The following WFDC11 variants were observed in gnomAD, a reference collection of about 807,000 sequenced individuals.
WFDC11 encodes WAP four-disulfide core domain 11, also known as protein WFDC11.
WFDC11 carries 9 observed loss-of-function variants against 9.9 expected under a neutral mutation model. The observed-to-expected ratio is 0.91, with a 90% CI of 0.55 to 1.58. The LOEUF (loss-of-function observed/expected upper bound fraction) is 1.58, where lower values mean the gene tolerates loss of function less well. Ranked by LOEUF, WFDC11 falls within the 40% of genes most tolerant of loss-of-function variation. The pLI is 0.00. For synonymous variants in WFDC11, 32 were observed against 33.3 expected, an observed-to-expected ratio of 0.96 and a Z score of 0.13; for missense variants, 106 against 101.7, an observed-to-expected ratio of 1.04 and a Z score of -0.18.
At chr20:45,668,255 A>T (rs1983226770) in intron 1 of WFDC11, among the ~76,000 whole-genome samples, 1 of 152,206 alleles carries the variant, frequency 6.6e-6, no homozygotes, top group African/African-American at 2.4e-5. Flanking sequence ...AGCTGAGCTG[A>T]CTGTGAGAGG....
chr20:45,664,021 G>A (rs1354781305), intron 2 of WFDC11, among the ~76,000 whole-genome samples: 1 of 152,052 alleles, frequency 6.6e-6, no homozygotes. Flanking sequence ...ATTGACAGTG[G>A]GGTGTTAAAG....
At chr20:45,660,552 C>T (rs1600940500) in intron 2 of WFDC11, among the ~76,000 whole-genome samples, 1 of 152,120 alleles carries the variant, frequency 6.6e-6, no homozygotes, top group African/African-American at 2.4e-5. Flanking sequence ...TCTCCCAATG[C>T]TATCCCTCCC....
chr20:45,668,537 A>G (rs1983232894), intron 1 of WFDC11, among the ~76,000 whole-genome samples: 2 of 152,148 alleles, frequency 1.3e-5, no homozygotes, highest in Admixed American at 1.3e-4. Context: ...CTCTTGTACT[A>G]ATAAAAGAGC....
chr20:45,652,031 C>A (rs1982819255), intron 2 of WFDC11, among the ~76,000 whole-genome samples: 1 of 152,212 alleles, frequency 6.6e-6, no homozygotes, highest in Non-Finnish European at 1.5e-5. Flanking sequence ...AAACAAAAGG[C>A]AGCAGAATCC....
chr20:45,657,146 A>C (rs1170399664), intron 2 of WFDC11, among the ~76,000 whole-genome samples: 1 of 152,108 alleles, frequency 6.6e-6, no homozygotes, highest in Non-Finnish European at 1.5e-5. Flanking sequence ...ATGTTTATTG[A>C]GGCACTATTC....
intron 2 of WFDC11, among the ~76,000 whole-genome samples, chr20:45,655,270 G>A (rs899810231): frequency 4.6e-5 from 7 of 152,254 alleles, no homozygotes; most frequent in South Asian, 2.1e-4. Flanking sequence ...ATGCAAGGCT[G>A]GTTCAACATA....
At chr20:45,661,295 TC>T (rs1295338352) in intron 2 of WFDC11, among the ~76,000 whole-genome samples, 1 of 152,204 alleles carries the variant, frequency 6.6e-6, no homozygotes, top group Admixed American at 6.6e-5. Flanking sequence ...TTGTTTGAGT[TC>T]TTTATAGATT....
At chr20:45,648,793 C>T in intron 4 of WFDC11, 54 bp from the exon 5 acceptor site, 1 of 1,560,750 alleles carries the variant, frequency 6.4e-7, no homozygotes, top group Admixed American at 1.7e-5. Context: ...GAGAAACAAG[C>T]ATTCATTCCC....
chr20:45,655,168 G>C (rs983723479), intron 2 of WFDC11, among the ~76,000 whole-genome samples: 6 of 152,050 alleles, frequency 3.9e-5, no homozygotes, highest in African/African-American at 7.2e-5. Context: ...ATGAACATTG[G>C]TGCAGAAATC....
intron 2 of WFDC11, among the ~76,000 whole-genome samples, chr20:45,654,468 A>C (rs1424954187): frequency 1.3e-5 from 2 of 152,224 alleles, no homozygotes; most frequent in Non-Finnish European, 2.9e-5. Flanking sequence ...AAATGCCCAC[A>C]AGAGAGAGCA....
At chr20:45,655,367 T>C (rs983648409) in intron 2 of WFDC11, among the ~76,000 whole-genome samples, 9 of 152,204 alleles carry the variant, frequency 5.9e-5, no homozygotes, top group Non-Finnish European at 1.2e-4. Context: ...AAAAGGCCTT[T>C]GACAAAATTC....
Position 45,655,299 on chromosome 20 carries a change from A to G in WFDC11, c.-51-4648T>C, listed in dbSNP as rs1982903559. On this transcript the variant is annotated intron_variant, in intron 2 of 4. Coordinates refer to ENST00000324384, the MANE Select transcript of WFDC11 (RefSeq NM_147197.2). ...CAACATATGCAAATCAATAAACATA[A>G]TCCAGCATATAAACATAACCAACGA... 4.6e-5 allele frequency among the ~76,000 whole-genome samples: 7 copies of G among 152,228 alleles called. 1 individual carries two copies. The South Asian group carries it at 1.4e-3, about 31-fold the overall frequency.
In WFDC11 at chr20:45,659,437, T is replaced by G. The variant is rs545423219; in HGVS notation, c.-52+7651A>C. 7.2e-5 allele frequency among the ~76,000 whole-genome samples: 11 copies of G among 152,390 alleles called. No homozygotes were observed. The East Asian group carries it at 2.1e-3, about 29-fold the overall frequency. On this transcript the variant is annotated intron_variant, in intron 2 of 4. Transcript: ENST00000324384. ...CGTGAGATGGTATCTCATTGTGGTT[T>G]TGATTTGCATTTCTCTAATGACCAG...
chr20:45,661,833 G>A (rs2145621907), intron 2 of WFDC11, among the ~76,000 whole-genome samples: 1 of 152,226 alleles, frequency 6.6e-6, no homozygotes, highest in South Asian at 2.1e-4. Context: ...TTGTAGTATA[G>A]TTTGAAGTCA....
At chr20:45,656,096 A>G (rs904070332) in intron 2 of WFDC11, among the ~76,000 whole-genome samples, 9 of 152,070 alleles carry the variant, frequency 5.9e-5, no homozygotes, top group Non-Finnish European at 1.2e-4. Context: ...TAAAGTTCAT[A>G]TGGAACCAAA....
chr20:45,651,534 G>A (rs1272204969), intron 2 of WFDC11, among the ~76,000 whole-genome samples: 2 of 152,222 alleles, frequency 1.3e-5, no homozygotes, highest in Non-Finnish European at 2.9e-5. Context: ...CGACACAGAA[G>A]ACAGGTGATT....
Position 45,653,991 on chromosome 20 carries a change from C to A in WFDC11, c.-51-3340G>T, listed in dbSNP as rs543068521. On this transcript the variant is annotated intron_variant, in intron 2 of 4. Coordinates refer to ENST00000324384, the MANE Select transcript of WFDC11 (RefSeq NM_147197.2). ...CCACACAATAATAATGGGAGACTTT[C>A]ACACCCCACTGTCAACATTAGACAG... Among the ~76,000 whole-genome samples, 14 of 152,182 alleles carry A rather than the reference C, an allele frequency of 9.2e-5. No homozygotes were observed. The South Asian group carries it at 1.2e-3, about 14-fold the overall frequency.
chr20:45,657,218 T>G (rs1340183463), intron 2 of WFDC11, among the ~76,000 whole-genome samples: 2 of 151,848 alleles, frequency 1.3e-5, no homozygotes, highest in African/African-American at 2.4e-5. Flanking sequence ...ATTAAGAAAA[T>G]GTGGCACATA....
At chr20:45,654,891 G>A (rs538437895) in intron 2 of WFDC11, among the ~76,000 whole-genome samples, 1 of 152,268 alleles carries the variant, frequency 6.6e-6, no homozygotes, top group South Asian at 2.1e-4. Flanking sequence ...GGAAGAAGTT[G>A]AATCGCTGAA....
Sources: gnomAD v4.1 joint callset for allele counts (sites outside exome capture counted in the v4.1 genomes callset) on GRCh38, gnomAD v4.1.1 for gene constraint, MANE v1.5 for transcripts, NCBI Gene and HGNC (gene_info 2026-07-23, HGNC 2026-07-21) for gene names.